Variants in STK39 observed in about 807,000 individuals in gnomAD.
The protein encoded by STK39 is serine/threonine kinase 39, also known as STE20/SPS1-related proline-alanine-rich protein kinase.
A neutral mutation model predicts 77.8 loss-of-function variants in STK39; 20 were observed. The ratio of observed to expected loss-of-function variants is 0.26; its 90% confidence interval spans 0.18 to 0.37. The LOEUF (loss-of-function observed/expected upper bound fraction) is 0.37, where lower values mean the gene tolerates loss of function less well. Ranked by LOEUF, STK39 falls within the 10% of genes least tolerant of loss-of-function variation. The pLI is 1.00. For missense variants in STK39, 479 were observed against 656.5 expected (o/e 0.73, Z 2.95); for synonymous variants, 246 against 234.1 (o/e 1.05, Z -0.47).
intron 10 of STK39, among the ~76,000 whole-genome samples, chr2:168,128,156 A>G (rs1559110613): frequency 6.6e-6 from 1 of 152,192 alleles, no homozygotes; most frequent in Non-Finnish European, 1.5e-5. Context: ...GGATCAGATG[A>G]CACTTCCAGC....
At chr2:168,048,255 C>G (rs985668917) in intron 14 of STK39, among the ~76,000 whole-genome samples, 1 of 151,454 alleles carries the variant, frequency 6.6e-6, no homozygotes, top group Non-Finnish European at 1.5e-5. Flanking sequence ...TTCTGTCACC[C>G]AGGCTGAAGT....
intron 1 of STK39, among the ~76,000 whole-genome samples, chr2:168,212,141 G>A (rs958186445): frequency 2.0e-5 from 3 of 152,188 alleles, no homozygotes; most frequent in East Asian, 1.9e-4. Flanking sequence ...AGCTTGAGTC[G>A]TAAATTGAAG....
intron 2 of STK39, among the ~76,000 whole-genome samples, chr2:168,179,341 A>G (rs2105623662): frequency 6.6e-6 from 1 of 152,330 alleles, no homozygotes; most frequent in African/African-American, 2.4e-5. Flanking sequence ...CTCATGTGCC[A>G]ATAACTGGGC....
intron 10 of STK39, among the ~76,000 whole-genome samples, chr2:168,117,766 G>A (rs977922221): frequency 6.6e-5 from 10 of 152,086 alleles, no homozygotes; most frequent in African/African-American, 2.2e-4. Context: ...GAGGTGGCCC[G>A]TGGCTGAGAG....
chr2:168,005,924 T>G (rs1574385239), intron 16 of STK39, among the ~76,000 whole-genome samples: 1 of 152,150 alleles, frequency 6.6e-6, no homozygotes, highest in African/African-American at 2.4e-5. Flanking sequence ...TGAGAGAGCT[T>G]TGGGAACATC....
rs72884528 is a variant in STK39 at position 168,230,304 on chromosome 2, T to C, written c.208+16924A>G. On this transcript the variant is annotated intron_variant, in intron 1 of 17. Transcript: ENST00000355999. The stretch of plus-strand genomic sequence containing the variant: ...ATGTGGCAGAGTGGCATTGTGTGAC[T>C]TTCCAAGACTAGGCCTCAAGAGTCT... Among the ~76,000 whole-genome samples, 336 of 152,318 alleles carry C rather than the reference T, an allele frequency of 2.2e-3. 1 individual carries two copies. Among genetic ancestry groups the C allele is most frequent in the Non-Finnish European group, 4.1e-3 (278 of 68,034 alleles).
In STK39 at chr2:168,140,316, C is replaced by A; in HGVS notation, c.813G>T (p.Ala271=). The A allele has an allele frequency of 6.2e-7, 1 of 1,613,962 alleles. No individual in the cohort carries two copies. The highest frequency in any genetic ancestry group is 8.5e-7 in the Non-Finnish European group (1 of 1,179,888). ...ITAIELATGA[A]PYHKYPPMKV... ...TCATGGGAGGATATTTGTGATAAGG[C>A]GCTGCTCCTGTTGCTAATTCAATGG... Residue 271 remains alanine (A), a synonymous_variant, in exon 7 of 18, where the codon GCG becomes GCT. Transcript: ENST00000355999.
At chr2:167,970,633 G>A (rs1395908149) in intron 16 of STK39, among the ~76,000 whole-genome samples, 1 of 152,152 alleles carries the variant, frequency 6.6e-6, no homozygotes. Flanking sequence ...AAGTAAATAC[G>A]GCCTGAGAAA....
rs776942723 is a variant in STK39 at position 168,063,514 on chromosome 2, G to A, written c.1362C>T (p.Leu454=). The A allele has an allele frequency of 1.2e-5, 19 of 1,612,524 alleles. No individual in the cohort carries two copies. Among genetic ancestry groups the A allele is most frequent in the Middle Eastern group, 1.6e-4 (1 of 6,072 alleles). Residue 454 remains leucine, a synonymous_variant, in exon 14 of 18, where the codon CTC becomes CTT. Transcript: ENST00000355999. ...GTATTATTTACCTTAATCTCAAAAC[G>A]AGGTTCACGGCACAAGAAGAAGCTT... ...YREASSCAVN[L]VLRLRNSRKE...
At chr2:168,082,704 C>T (rs1271707464) in intron 10 of STK39, among the ~76,000 whole-genome samples, 1 of 152,240 alleles carries the variant, frequency 6.6e-6, no homozygotes, top group Non-Finnish European at 1.5e-5. Context: ...AGTGAACACA[C>T]CTTCTCCATG....
rs201678410 is a variant in STK39 at position 168,063,581 on chromosome 2, A to G, written c.1306-11T>C. 1.2e-5 allele frequency: 19 copies of G among 1,608,248 alleles called. No homozygotes were observed. Among genetic ancestry groups the G allele is most frequent in the Non-Finnish European group, 1.6e-5 (19 of 1,177,538 alleles). On this transcript the variant is annotated splice_polypyrimidine_tract_variant and intron_variant, in intron 13 of 17. Coordinates refer to ENST00000355999, the MANE Select transcript of STK39 (RefSeq NM_013233.3). Reference sequence around the variant, plus strand: ...AGCATTGGGTGGGCCCTTTAAAAAGAAAACAGCAAACAGTGTTATAAACTG... The same window carrying G: ...AGCATTGGGTGGGCCCTTTAAAAAGGAAACAGCAAACAGTGTTATAAACTG...
At chr2:168,189,134 G>C (rs926850909) in intron 1 of STK39, among the ~76,000 whole-genome samples, 4 of 152,204 alleles carry the variant, frequency 2.6e-5, no homozygotes, top group African/African-American at 9.7e-5. Flanking sequence ...ACAGTAGGAT[G>C]AGGTGGATTA....
intron 15 of STK39, among the ~76,000 whole-genome samples, chr2:168,014,152 T>C (rs1684346525): frequency 6.6e-6 from 1 of 152,210 alleles, no homozygotes; most frequent in African/African-American, 2.4e-5. Context: ...CCATGTAAGA[T>C]GAGCTTGTCT....
In STK39 at chr2:168,079,300, C is replaced by T. The variant is rs143103749; in HGVS notation, c.1090-4069G>A. Among the ~76,000 whole-genome samples, 1,372 of 152,220 alleles carry T rather than the reference C, an allele frequency of 9.0e-3. 56 individuals carry two copies. Among genetic ancestry groups the T allele is most frequent in the Admixed American group, 0.073 (1,116 of 15,288 alleles). On this transcript the variant is annotated intron_variant, in intron 10 of 17. Coordinates refer to ENST00000355999, the MANE Select transcript of STK39 (RefSeq NM_013233.3). ...TCCTGCTCTTCCACCAGCCCCCTCC[C>T]GGCTCTACTCCTCAGCATGCAAGGC... is the stretch of plus-strand genomic sequence containing the variant.
rs942374705 is a variant in STK39, at chr2:168,075,229, T to C, written c.1092A>G (p.Val364=). The C allele has an allele frequency of 2.5e-6, 4 of 1,613,828 alleles. No homozygotes were observed. Among genetic ancestry groups the C allele is most frequent in the Middle Eastern group, 1.6e-4 (1 of 6,062 alleles). The stretch of plus-strand genomic sequence containing the variant: ...GACCACTTGACCCAGGAACTCTTCT[T>C]ACCTGAATCAAAACAAGCCCACACA... ...TPDIAQRAKK[V]RRVPGSSGHL... Residue 364 remains valine (V), a splice_region_variant and synonymous_variant, in exon 11 of 18, where the codon GTA becomes GTG. Coordinates refer to ENST00000355999, the MANE Select transcript of STK39 (RefSeq NM_013233.3).
intron 10 of STK39, among the ~76,000 whole-genome samples, chr2:168,110,221 T>C (rs1687085856): frequency 6.6e-6 from 1 of 152,124 alleles, no homozygotes; most frequent in Admixed American, 6.6e-5. Flanking sequence ...GAGATTAAAA[T>C]ATTTATTTAT....
At chr2:168,151,035 G>C (rs1176474947) in intron 5 of STK39, among the ~76,000 whole-genome samples, 1 of 151,924 alleles carries the variant, frequency 6.6e-6, no homozygotes, top group African/African-American at 2.4e-5. Flanking sequence ...ATATGCCATG[G>C]GCCCCAACCA....
chr2:167,967,431 T>G (rs1203408111), intron 16 of STK39, among the ~76,000 whole-genome samples: 1 of 152,194 alleles, frequency 6.6e-6, no homozygotes, highest in East Asian at 1.9e-4. Context: ...TATCTTTATG[T>G]GAACAGTTAA....
chr2:168,027,643 C>A (rs1684734559), intron 14 of STK39, among the ~76,000 whole-genome samples: 1 of 152,202 alleles, frequency 6.6e-6, no homozygotes, highest in Admixed American at 6.5e-5. Context: ...CACACATACA[C>A]AAATACGCAC....
Sources: gnomAD v4.1 joint callset for allele counts (sites outside exome capture counted in the v4.1 genomes callset) on GRCh38, gnomAD v4.1.1 for gene constraint, MANE v1.5 for transcripts, NCBI Gene and HGNC (gene_info 2026-07-23, HGNC 2026-07-21) for gene names.